Variants in CFAP299 observed in about 807,000 individuals in gnomAD.
CFAP299 encodes the protein cilia and flagella associated protein 299, also known as cilia- and flagella-associated protein 299.
CFAP299 carries 21 observed loss-of-function variants against 27.0 expected under a neutral mutation model. The observed-to-expected ratio is 0.78, with a 90% confidence interval of 0.55 to 1.12. The LOEUF (loss-of-function observed/expected upper bound fraction) is 1.12, where lower values mean the gene tolerates loss of function less well. CFAP299 is among the 50% of genes most tolerant of loss of function. CFAP299 has a pLI of 0.00. For synonymous variants in CFAP299, 104 were observed against 98.1 expected (o/e 1.06, Z -0.36); for missense variants, 310 against 276.6 (o/e 1.12, Z -0.86).
At chr4:80,651,341 T>C (rs563197453) in intron 3 of CFAP299, among the ~76,000 whole-genome samples, 136 of 149,858 alleles carry the variant, frequency 9.1e-4, no homozygotes, top group African/African-American at 3.2e-3. Context: ...CTTCTTCTCC[T>C]TCCTTCTTCT....
intron 2 of CFAP299, among the ~76,000 whole-genome samples, chr4:80,472,401 A>G (rs566307570): frequency 6.6e-6 from 1 of 152,198 alleles, no homozygotes; most frequent in Non-Finnish European, 1.5e-5. Flanking sequence ...TTGACGCATA[A>G]TTAATCATTT....
intron 5 of CFAP299, among the ~76,000 whole-genome samples, chr4:80,954,764 C>T (rs1038523606): frequency 7.2e-5 from 11 of 151,842 alleles, no homozygotes; most frequent in African/African-American, 2.2e-4. Flanking sequence ...GTTTAGGAGG[C>T]GGAGGTGGGC....
chr4:80,457,867 C>T (rs1438286952), intron 2 of CFAP299, among the ~76,000 whole-genome samples: 1 of 152,150 alleles, frequency 6.6e-6, no homozygotes, highest in East Asian at 1.9e-4. Context: ...TTGTAGCTCA[C>T]TGTTGATTTT....
intron 2 of CFAP299, among the ~76,000 whole-genome samples, chr4:80,495,251 AT>A (rs1731377156): frequency 1.3e-5 from 2 of 151,176 alleles, no homozygotes; most frequent in Non-Finnish European, 2.9e-5. Context: ...TGAAACTCTA[AT>A]TTCCTTCCTG....
chr4:80,829,929 G>C (rs1457411383), intron 3 of CFAP299, among the ~76,000 whole-genome samples: 1 of 152,026 alleles, frequency 6.6e-6, no homozygotes, highest in Non-Finnish European at 1.5e-5. Flanking sequence ...GGGGAAGGCA[G>C]GGAATGGGAG....
At chr4:80,427,940 A>G (rs533226286) in intron 2 of CFAP299, among the ~76,000 whole-genome samples, 1 of 152,318 alleles carries the variant, frequency 6.6e-6, no homozygotes, top group Non-Finnish European at 1.5e-5. Flanking sequence ...TTAAATAACT[A>G]CCATTTGCCA....
At chr4:80,721,766 G>T (rs941164831) in intron 3 of CFAP299, among the ~76,000 whole-genome samples, 1 of 152,064 alleles carries the variant, frequency 6.6e-6, no homozygotes, top group Non-Finnish European at 1.5e-5. Context: ...GCAAATTTTG[G>T]TAGGAAATTA....
chr4:80,783,324 T>TC (rs1727040932), intron 3 of CFAP299, among the ~76,000 whole-genome samples: 1 of 152,126 alleles, frequency 6.6e-6, no homozygotes, highest in South Asian at 2.1e-4. Flanking sequence ...GGGAACTAGA[T>TC]CACAACCTGA....
chr4:80,388,301 A>G lies in CFAP299; in HGVS notation c.242+25417A>G, dbSNP rs563200502. 1.5e-4 allele frequency: 105 copies of G among 695,100 alleles called. 1 individual carries two copies. The African/African-American group carries it at 1.8e-3, about 12-fold the overall frequency. 43.1% of individuals were successfully genotyped at this position (695,100 alleles called of 1,614,324 possible). ...GAAGCCTGAAATGGCAGACATGAGC[A>G]AGTCATTGCTTACCAAGATGTTCCC... On this transcript the variant is annotated intron_variant, in intron 2 of 5. Coordinates refer to ENST00000358105, the MANE Select transcript of CFAP299 (RefSeq NM_152770.3).
At chr4:80,416,069 C>A (rs1271604427) in intron 2 of CFAP299, among the ~76,000 whole-genome samples, 1 of 152,092 alleles carries the variant, frequency 6.6e-6, no homozygotes, top group African/African-American at 2.4e-5. Context: ...TACTCTAAAG[C>A]CTTTTTGAAG....
chr4:80,935,084 C>T (rs1736821272), intron 4 of CFAP299, among the ~76,000 whole-genome samples: 1 of 151,824 alleles, frequency 6.6e-6, no homozygotes, highest in Non-Finnish European at 1.5e-5. Context: ...TTTAATGTAT[C>T]TCAATGTATT....
intron 2 of CFAP299, among the ~76,000 whole-genome samples, chr4:80,510,527 C>T (rs1553929845): frequency 3.3e-5 from 5 of 152,090 alleles, no homozygotes; most frequent in South Asian, 2.1e-4. Flanking sequence ...TCCTTTCTTG[C>T]GTCGTCCTCT....
intron 3 of CFAP299, chr4:80,608,374 GC>G: frequency 6.5e-7 from 1 of 1,529,098 alleles, no homozygotes; most frequent in Non-Finnish European, 8.8e-7. Flanking sequence ...TCTTGAAGAA[GC>G]AACTGGCAGT....
At chr4:80,711,720 A>T (rs191898532) in intron 3 of CFAP299, among the ~76,000 whole-genome samples, 1 of 152,232 alleles carries the variant, frequency 6.6e-6, no homozygotes. Flanking sequence ...ATGCTATTTA[A>T]AAAAAGTATT....
At chr4:80,350,151 G>T (rs1722949449) in intron 1 of CFAP299, among the ~76,000 whole-genome samples, 2 of 152,038 alleles carry the variant, frequency 1.3e-5, no homozygotes, top group African/African-American at 2.4e-5. Flanking sequence ...ACATTTAAAT[G>T]GAGTCCAAAA....
chr4:80,613,079 CAAAT>C (rs1465021689), intron 3 of CFAP299, among the ~76,000 whole-genome samples: 1 of 152,072 alleles, frequency 6.6e-6, no homozygotes, highest in Admixed American at 6.6e-5. Flanking sequence ...ACTTATTTCA[CAAAT>C]AAGTAAGCAA....
intron 2 of CFAP299, among the ~76,000 whole-genome samples, chr4:80,532,432 T>C (rs1039646123): frequency 6.6e-6 from 1 of 152,224 alleles, no homozygotes; most frequent in African/African-American, 2.4e-5. Flanking sequence ...CATTCTAGCA[T>C]GTATAACTGG....
intron 3 of CFAP299, among the ~76,000 whole-genome samples, chr4:80,697,340 A>G (rs1335867703): frequency 6.9e-6 from 1 of 145,630 alleles, no homozygotes; most frequent in Non-Finnish European, 1.5e-5. Context: ...AACCTATTTT[A>G]TAGGTTTAAA....
At chr4:80,820,828 T>C (rs931055053) in intron 3 of CFAP299, among the ~76,000 whole-genome samples, 1 of 152,176 alleles carries the variant, frequency 6.6e-6, no homozygotes, top group African/African-American at 2.4e-5. Flanking sequence ...TGAATAGCGT[T>C]ATATGGCTGA....
Sources: gnomAD v4.1 joint callset for allele counts (sites outside exome capture counted in the v4.1 genomes callset) on GRCh38, gnomAD v4.1.1 for gene constraint, MANE v1.5 for transcripts, NCBI Gene and HGNC (gene_info 2026-07-23, HGNC 2026-07-21) for gene names.